NRXN1: variants seen among roughly 807,000 people sequenced by gnomAD.
The protein encoded by NRXN1 is neurexin 1.
In NRXN1, 39 loss-of-function variants were observed where a neutral mutation model predicts 150.9. The ratio of observed to expected loss-of-function variants is 0.26; its 90% confidence interval spans 0.20 to 0.34. The LOEUF (loss-of-function observed/expected upper bound fraction) is 0.34, where lower values mean the gene tolerates loss of function less well. Among genes scored for constraint, NRXN1 ranks in the 10% least tolerant of loss-of-function variants. The pLI, the probability that NRXN1 is intolerant of heterozygous loss-of-function variation, is 1.00. For missense variants in NRXN1, 1,815 were observed against 1,949.9 expected, an observed-to-expected ratio of 0.93 and a Z score of 1.30; for synonymous variants, 924 against 757.0, an observed-to-expected ratio of 1.22 and a Z score of -3.62.
At chr2:50,278,327 A>G (rs1345276505) in intron 17 of NRXN1, among the ~76,000 whole-genome samples, 1 of 125,880 alleles carries the variant, frequency 7.9e-6, no homozygotes, top group Non-Finnish European at 1.6e-5. Context: ...TTATATATAT[A>G]TATATTTAGT....
chr2:50,984,395 T>C lies in NRXN1; in HGVS notation c.772+43107A>G, dbSNP rs577064923. ...AAAGAAGAATATATAACGAAGAGTGTATGCGGCCAGCAAAGCCTAAAATAT... is the reference window on the plus strand; with the variant it reads ...AAAGAAGAATATATAACGAAGAGTGCATGCGGCCAGCAAAGCCTAAAATAT... On this transcript the variant is annotated intron_variant, in intron 2 of 22. Transcript: ENST00000401669. Among the ~76,000 whole-genome samples the C allele has an allele frequency of 8.6e-5, 13 of 152,044 alleles. No homozygotes were observed. In the South Asian group the frequency reaches 2.7e-3, roughly 32 times the overall value.
chr2:51,019,973 A>G (rs1019247529), intron 2 of NRXN1, among the ~76,000 whole-genome samples: 1 of 152,042 alleles, frequency 6.6e-6, no homozygotes. Context: ...ATAGATTTCC[A>G]TTAAGGATTA....
chr2:50,495,457 G>A (rs1044985599), intron 15 of NRXN1, among the ~76,000 whole-genome samples: 2 of 147,478 alleles, frequency 1.4e-5, no homozygotes, highest in Non-Finnish European at 3.0e-5. Context: ...GGAGACACAG[G>A]GTTTCTAAGC....
intron 5 of NRXN1, among the ~76,000 whole-genome samples, chr2:50,755,633 T>C (rs572117388): frequency 4.6e-5 from 7 of 151,912 alleles, no homozygotes; most frequent in Non-Finnish European, 7.4e-5. Flanking sequence ...AACCAAAAAA[T>C]CAAGCCATTC....
chr2:50,877,934 C>T (rs1001541643), intron 5 of NRXN1, among the ~76,000 whole-genome samples: 1 of 151,882 alleles, frequency 6.6e-6, no homozygotes, highest in Non-Finnish European at 1.5e-5. Context: ...TGATTGTGAT[C>T]AACATATTTT....
chr2:50,472,561 T>C (rs968245339), intron 15 of NRXN1, 90 bp from the exon 16 acceptor site: 2 of 988,860 alleles, frequency 2.0e-6, no homozygotes, highest in Non-Finnish European at 2.9e-6. Flanking sequence ...GGAGGTTTAT[T>C]TTTCATTAAG....
intron 17 of NRXN1, among the ~76,000 whole-genome samples, chr2:50,243,509 T>A (rs2066223979): frequency 6.6e-6 from 1 of 151,838 alleles, no homozygotes; most frequent in Admixed American, 6.6e-5. Flanking sequence ...ACAGGGAGAC[T>A]CAAACTTGTG....
At chr2:49,962,724 C>T (rs1237461791) in intron 21 of NRXN1, among the ~76,000 whole-genome samples, 1 of 152,026 alleles carries the variant, frequency 6.6e-6, no homozygotes, top group Non-Finnish European at 1.5e-5. Flanking sequence ...AGAGGCCGGA[C>T]ACGGTGGCTC....
At chr2:50,956,646 G>A (rs1373423081) in intron 2 of NRXN1, among the ~76,000 whole-genome samples, 1 of 152,096 alleles carries the variant, frequency 6.6e-6, no homozygotes, top group Non-Finnish European at 1.5e-5. Flanking sequence ...GACTCAGGAG[G>A]CTGAGGCAGG....
chr2:50,660,518 T>A (rs1338760011), intron 5 of NRXN1, among the ~76,000 whole-genome samples: 4 of 152,050 alleles, frequency 2.6e-5, no homozygotes, highest in African/African-American at 7.2e-5. Flanking sequence ...GTACCATTAA[T>A]CTGTTTTGGT....
intron 21 of NRXN1, among the ~76,000 whole-genome samples, chr2:49,953,373 G>A (rs1674323489): frequency 6.6e-6 from 1 of 152,056 alleles, no homozygotes; most frequent in Non-Finnish European, 1.5e-5. Context: ...ATGTCACAAT[G>A]TTATCTTGTT....
rs556924868 is a variant in NRXN1 at position 50,126,120 on chromosome 2, T to C, written c.3547-34626A>G. The stretch of plus-strand genomic sequence containing the variant: ...TGGCACCAGGACTGAATTAAAATGC[T>C]GCCACTAGGCAGGATTTTAAACATA... On this transcript the variant is annotated intron_variant, in intron 18 of 22. Coordinates refer to ENST00000401669, the MANE Select transcript of NRXN1 (RefSeq NM_001330078.2). Among the ~76,000 whole-genome samples the C allele has an allele frequency of 2.6e-5, 4 of 152,246 alleles. No homozygotes were observed. The South Asian group carries it at 6.2e-4, about 24-fold the overall frequency.
chr2:50,959,562 A>G (rs1692815977), intron 2 of NRXN1, among the ~76,000 whole-genome samples: 1 of 152,064 alleles, frequency 6.6e-6, no homozygotes, highest in South Asian at 2.1e-4. Context: ...ATAGAGCTAT[A>G]AGTAGATGAA....
chr2:50,078,375 A>C (rs1343062440), intron 19 of NRXN1, among the ~76,000 whole-genome samples: 1 of 79,044 alleles, frequency 1.3e-5, no homozygotes, highest in Non-Finnish European at 2.6e-5. Context: ...CTCTTATTTC[A>C]AAAAAAAAAA....
At chr2:50,980,062 T>C (rs1363823062) in intron 2 of NRXN1, among the ~76,000 whole-genome samples, 1 of 152,168 alleles carries the variant, frequency 6.6e-6, no homozygotes, top group Non-Finnish European at 1.5e-5. Flanking sequence ...TTGCATATCG[T>C]TCTCTTAGTT....
intron 15 of NRXN1, among the ~76,000 whole-genome samples, chr2:50,474,079 C>G (rs768564842): frequency 3.3e-5 from 5 of 151,876 alleles, no homozygotes; most frequent in Admixed American, 6.6e-5. Context: ...TGACTATTAA[C>G]CATCATTCTT....
At chr2:50,608,712 A>C (rs1488562492) in intron 8 of NRXN1, among the ~76,000 whole-genome samples, 2 of 152,156 alleles carry the variant, frequency 1.3e-5, no homozygotes, top group Admixed American at 6.6e-5. Context: ...AGAAAATGTT[A>C]CTGAATAAGG....
In NRXN1 at chr2:51,028,245, C is replaced by T. The variant is rs757927343; in HGVS notation, c.29G>A (p.Gly10Asp). 3 of 1,464,194 alleles carry T rather than the reference C, an allele frequency of 2.0e-6. No homozygotes were observed. Among genetic ancestry groups the T allele is most frequent in the South Asian group, 2.9e-5 (2 of 69,630 alleles). The allele number at this position is 1,464,194 out of a possible 1,614,324, so 90.7% of individuals were successfully genotyped here. A position where few individuals can be genotyped will look rare whatever the true frequency, so the allele number is the denominator to read the frequency against. MGTALLQRGGCFLLCLSLLL... is the reference protein window; with the variant it reads MGTALLQRGDCFLLCLSLLL... ...CAGCGAGAGGCACAGAAGAAAACAG[C>T]CCCCGCGCTGGAGCAGCGCCGTCCC... Residue 10 changes from glycine (G) to aspartate (D), a missense_variant, in exon 2 of 23, where the codon GGC becomes GAC. Physicochemically the swap from Gly to Asp is moderately conservative, Grantham distance 94. Coordinates refer to ENST00000401669, the MANE Select transcript of NRXN1 (RefSeq NM_001330078.2).
intron 8 of NRXN1, among the ~76,000 whole-genome samples, chr2:50,578,204 T>G (rs1234740745): frequency 2.0e-5 from 3 of 152,176 alleles, no homozygotes; most frequent in Non-Finnish European, 4.4e-5. Flanking sequence ...TTAGAGCCCT[T>G]GAACAAAACT....
Sources: gnomAD v4.1 joint callset for allele counts (sites outside exome capture counted in the v4.1 genomes callset) on GRCh38, gnomAD v4.1.1 for gene constraint, MANE v1.5 for transcripts, NCBI Gene and HGNC (gene_info 2026-07-23, HGNC 2026-07-21) for gene names.